ARHGAP27: variants seen among roughly 807,000 people sequenced by gnomAD.
ARHGAP27 encodes Rho GTPase activating protein 27.
Under a neutral mutation model 102.0 loss-of-function variants are expected in ARHGAP27, and 53 were observed. The ratio of observed to expected loss-of-function variants is 0.52; its 90% confidence interval spans 0.42 to 0.65. The LOEUF is 0.65. ARHGAP27 is among the 30% of genes least tolerant of loss of function. ARHGAP27 has a pLI of 0.00. For missense variants in ARHGAP27, 1,117 were observed against 1,256.2 expected (o/e 0.89, Z 1.68); for synonymous variants, 525 against 542.8 (o/e 0.97, Z 0.46).
At chr17:45,415,050 G>A (rs2102989) in intron 4 of ARHGAP27, among the ~76,000 whole-genome samples, 65,763 of 141,020 alleles carry the variant, frequency 0.47, 16,015 homozygotes, top group South Asian at 0.59. Flanking sequence ...GTGACAGAGA[G>A]AGAGTCCATC....
intron 4 of ARHGAP27, among the ~76,000 whole-genome samples, chr17:45,416,033 T>G (rs1002154234): frequency 4.7e-5 from 5 of 107,354 alleles, no homozygotes; most frequent in South Asian, 5.0e-4. Context: ...GAAGTTTTTG[T>G]TTTTTTTTTT....
In ARHGAP27 at chr17:45,395,397, C is replaced by T. The variant is rs1345029740; in HGVS notation, c.*59G>A. On this transcript the variant is annotated 3_prime_UTR_variant, in exon 20 of 20. Coordinates refer to ENST00000685559, the MANE Select transcript of ARHGAP27 (RefSeq NM_001282290.2). ...AGAGAAGAAGGCCCGGCTGCGTGGC[C>T]TCCGCCGCCCAGCTTGTGTGGCAGG... is the stretch of plus-strand genomic sequence containing the variant. The T allele has an allele frequency of 1.3e-6, 2 of 1,505,822 alleles. No individual in the cohort carries two copies. The highest frequency in any genetic ancestry group is 1.4e-5 in the African/African-American group (1 of 71,944). The allele number at this position is 1,505,822 out of a possible 1,614,324, so 93.3% of individuals were successfully genotyped here. A position where few individuals can be genotyped will look rare whatever the true frequency, so the allele number is the denominator to read the frequency against.
rs551128830 is a variant in ARHGAP27 at position 45,426,590 on chromosome 17, C to A, written c.657+3033G>T. On this transcript the variant is annotated intron_variant, in intron 4 of 19. Transcript: ENST00000685559. ...CACTCCCCAGTGCCCCCGTGCCATG[C>A]CATCCCCACATCCTGCCCCCTCTGT... Among the ~76,000 whole-genome samples the A allele has an allele frequency of 2.4e-4, 36 of 151,750 alleles. 1 individual carries two copies. Among genetic ancestry groups the A allele is most frequent in the Non-Finnish European group, 2.5e-4 (17 of 67,938 alleles).
In ARHGAP27 at chr17:45,427,574, C is replaced by A. The variant is rs1256293804; in HGVS notation, c.657+2049G>T. 2.0e-5 allele frequency among the ~76,000 whole-genome samples: 3 copies of A among 152,236 alleles called. No individual in the cohort carries two copies. Among genetic ancestry groups the A allele is most frequent in the Non-Finnish European group, 2.9e-5 (2 of 68,032 alleles). ...CAGGGATGGGGTTCCCTTGCGGGGG[C>A]AGGGCCAACTCCCTACCCTGGACTT... is the stretch of plus-strand genomic sequence containing the variant. On this transcript the variant is annotated intron_variant, in intron 4 of 19. Transcript: ENST00000685559. The surrounding 1 kb of genome is among the most constrained non-coding windows in gnomAD (Gnocchi z 4.5).
rs2049999322 is a variant in ARHGAP27, at chr17:45,430,792, C to CT, written c.-18-496dup. Among the ~76,000 whole-genome samples the CT allele has an allele frequency of 6.6e-6, 1 of 152,146 alleles. No individual in the cohort carries two copies. The highest frequency in any genetic ancestry group is 1.5e-5 in the Non-Finnish European group (1 of 68,028). On this transcript the variant is annotated intron_variant, in intron 3 of 19. Coordinates refer to ENST00000685559, the MANE Select transcript of ARHGAP27 (RefSeq NM_001282290.2). The surrounding 1 kb of genome is among the most constrained non-coding windows in gnomAD (Gnocchi z 4.4). Reference sequence around the variant, plus strand: ...TCAGCAGAGGGTCTCGTAGCACTGCCTCCCTCCAGCAGCTTGCGCCCCGAC... The same window carrying CT: ...TCAGCAGAGGGTCTCGTAGCACTGCCTTCCCTCCAGCAGCTTGCGCCCCGAC...
rs1428771097 is a variant in ARHGAP27 at position 45,430,739 on chromosome 17, C to T, written c.-18-442G>A. On this transcript the variant is annotated intron_variant, in intron 3 of 19. Coordinates refer to ENST00000685559, the MANE Select transcript of ARHGAP27 (RefSeq NM_001282290.2). The surrounding 1 kb of genome is among the most constrained non-coding windows in gnomAD (Gnocchi z 4.4). ...TTACTGCCGCTCCCCGGCTCTGTCCCGCCTGGAAGCCTCCCGCCCGCAGAG... is the reference window on the plus strand; with the variant it reads ...TTACTGCCGCTCCCCGGCTCTGTCCTGCCTGGAAGCCTCCCGCCCGCAGAG... Among the ~76,000 whole-genome samples the T allele has an allele frequency of 6.6e-6, 1 of 152,196 alleles. No homozygotes were observed. The highest frequency in any genetic ancestry group is 1.5e-5 in the Non-Finnish European group (1 of 68,026).
rs1384085731 is a variant in ARHGAP27, at chr17:45,404,318, T to A, written c.1430A>T (p.Asp477Val). 1 of 1,614,008 alleles carries A rather than the reference T, an allele frequency of 6.2e-7. No homozygotes were observed. Among genetic ancestry groups the A allele is most frequent in the South Asian group, 1.1e-5 (1 of 91,082 alleles). The change falls in exon 9 of 20, where the codon GAT (aspartate) becomes GTT (valine). Residue 477 changes from aspartate (D) to valine (V), a missense_variant. Physicochemically the swap from Asp to Val is radical, Grantham distance 152. Transcript: ENST00000685559. ...GACTTCCTCCCAGCTCCCAACCTCATCCAGCTCTGCTGGGACCTATGGGGG... is the reference window on the plus strand; with the variant it reads ...GACTTCCTCCCAGCTCCCAACCTCAACCAGCTCTGCTGGGACCTATGGGGG... ...PPEEKVPAEL[D>V]EVGSWEEVSP...
At position 45,404,284 on chromosome 17, in the gene ARHGAP27, G is replaced by T. The variant is rs1292636818; in HGVS notation, c.1464C>A (p.Ala488=). 1 of 1,614,000 alleles carries T rather than the reference G, an allele frequency of 6.2e-7. No homozygotes were observed. Among genetic ancestry groups the T allele is most frequent in the Admixed American group, 1.7e-5 (1 of 60,020 alleles). ...EVGSWEEVSP[A]TAAVRTKTLD... is the part of the protein sequence containing the mutation. ...TGATGCCTACCCTCACAGCAGCTGT[G>T]GCAGGAGAGACTTCCTCCCAGCTCC... The change falls in exon 9 of 20, where the codon GCC becomes GCA. Residue 488 remains alanine, a synonymous_variant. Coordinates refer to ENST00000685559, the MANE Select transcript of ARHGAP27 (RefSeq NM_001282290.2).
intron 4 of ARHGAP27, among the ~76,000 whole-genome samples, chr17:45,411,215 C>T (rs1045464617): frequency 6.6e-6 from 1 of 152,108 alleles, no homozygotes; most frequent in African/African-American, 2.4e-5. Context: ...CAGCCACGCA[C>T]AGTGGACACA....
At chr17:45,419,470 A>T (rs1191654220) in intron 4 of ARHGAP27, among the ~76,000 whole-genome samples, 3 of 148,218 alleles carry the variant, frequency 2.0e-5, no homozygotes, top group Non-Finnish European at 4.5e-5. Flanking sequence ...TACAATATAT[A>T]CTATGCTGTG....
At chr17:45,410,845 T>C (rs2047833545) in intron 4 of ARHGAP27, among the ~76,000 whole-genome samples, 2 of 149,572 alleles carry the variant, frequency 1.3e-5, no homozygotes, top group South Asian at 4.2e-4. Flanking sequence ...AGGGGAAGAG[T>C]TCCCAAAGAG....
chr17:45,419,908 A>G (rs1019837013), intron 4 of ARHGAP27, among the ~76,000 whole-genome samples: 8 of 152,238 alleles, frequency 5.3e-5, no homozygotes, highest in African/African-American at 1.7e-4. Flanking sequence ...GCAAATTTAA[A>G]GTACCTTAAG....
chr17:45,405,665 C>G lies in ARHGAP27; in HGVS notation c.1065+11G>C. ...AGAGGTAGAACCGCCCACTCTGGCC[C>G]TGCCCCTCACCCGCGGGTCCCCTGG... On this transcript the variant is annotated intron_variant, in intron 5 of 19. Transcript: ENST00000685559. The G allele has an allele frequency of 1.1e-5, 17 of 1,577,158 alleles. No homozygotes were observed. Among genetic ancestry groups the G allele is most frequent in the Non-Finnish European group, 1.5e-5 (17 of 1,165,594 alleles).
rs141666061 is a variant in ARHGAP27, at chr17:45,416,631, C to T, written c.658-10548G>A. Among the ~76,000 whole-genome samples, 97 of 151,492 alleles carry T rather than the reference C, an allele frequency of 6.4e-4. 1 individual carries two copies. The highest frequency in any genetic ancestry group is 2.1e-3 in the African/African-American group (88 of 41,456). Reference sequence around the variant, plus strand: ...TGGCGCAATCTTGACTCACTGCAACCTCTGCCTCCCAGGTTCAAGCAATTC... The same window carrying T: ...TGGCGCAATCTTGACTCACTGCAACTTCTGCCTCCCAGGTTCAAGCAATTC... On this transcript the variant is annotated intron_variant, in intron 4 of 19. Coordinates refer to ENST00000685559, the MANE Select transcript of ARHGAP27 (RefSeq NM_001282290.2).
chr17:45,395,417 G>T lies in ARHGAP27; in HGVS notation c.*39C>A. 1 of 1,530,052 alleles carries T rather than the reference G, an allele frequency of 6.5e-7. No individual in the cohort carries two copies. Among genetic ancestry groups the T allele is most frequent in the Non-Finnish European group, 8.8e-7 (1 of 1,134,436 alleles). 94.8% of individuals were successfully genotyped at this position (1,530,052 alleles called of 1,614,324 possible). A position where few individuals can be genotyped will look rare whatever the true frequency, so the allele number is the denominator to read the frequency against. On this transcript the variant is annotated 3_prime_UTR_variant, in exon 20 of 20. Coordinates refer to ENST00000685559, the MANE Select transcript of ARHGAP27 (RefSeq NM_001282290.2). ...GTGGCCTCCGCCGCCCAGCTTGTGT[G>T]GCAGGACCGCGGCCGCCGCCCCAGT...
At chr17:45,403,047 T>A (rs1270205479) in intron 11 of ARHGAP27, among the ~76,000 whole-genome samples, 1 of 152,048 alleles carries the variant, frequency 6.6e-6, no homozygotes, top group Non-Finnish European at 1.5e-5. Flanking sequence ...AGGAAAGGAG[T>A]GCAGTCTGCA....
chr17:45,410,479 A>AG, intron 4 of ARHGAP27: 1 of 712,538 alleles, frequency 1.4e-6, no homozygotes, highest in Non-Finnish European at 2.0e-6. Flanking sequence ...GGTGGGGTGG[A>AG]GGGGCCTCAG....
In ARHGAP27 at chr17:45,427,665, G is replaced by A. The variant is rs1407621246; in HGVS notation, c.657+1958C>T. Among the ~76,000 whole-genome samples the A allele has an allele frequency of 6.6e-6, 1 of 152,196 alleles. No individual in the cohort carries two copies. The highest frequency in any genetic ancestry group is 2.4e-5 in the African/African-American group (1 of 41,448). ...TGAATAAAGCTCTGTGGCAGGGAAC[G>A]TGGTATTATTGCACACATCGCACAG... On this transcript the variant is annotated intron_variant, in intron 4 of 19. Coordinates refer to ENST00000685559, the MANE Select transcript of ARHGAP27 (RefSeq NM_001282290.2). The surrounding 1 kb of genome is among the most constrained non-coding windows in gnomAD (Gnocchi z 4.5).
At chr17:45,398,352 C>G (rs961608795) in intron 12 of ARHGAP27, among the ~76,000 whole-genome samples, 3 of 152,192 alleles carry the variant, frequency 2.0e-5, no homozygotes, top group Admixed American at 6.5e-5. Flanking sequence ...TTGTCTGGTA[C>G]ACTTTCCCTC....
Sources: allele counts gnomAD v4.1 joint callset (sites outside exome capture counted in the v4.1 genomes callset), GRCh38; gene constraint gnomAD v4.1.1; non-coding constraint Gnocchi (gnomAD v3.1); transcripts MANE v1.5; gene names NCBI Gene and HGNC (gene_info 2026-07-23, HGNC 2026-07-21).